The following HS3ST3B1 variants were observed in gnomAD, a reference collection of about 807,000 sequenced individuals.
HS3ST3B1 encodes heparan sulfate-glucosamine 3-sulfotransferase 3B1.
HS3ST3B1 carries 13 observed loss-of-function variants against 21.3 expected under a neutral mutation model. The observed-to-expected ratio is 0.61, with a 90% CI of 0.40 to 0.97. The LOEUF is 0.97. Ranked by LOEUF, HS3ST3B1 falls within the 50% of genes least tolerant of loss-of-function variation. HS3ST3B1 has a pLI of 0.00. For missense variants in HS3ST3B1, 459 were observed against 554.8 expected, an observed-to-expected ratio of 0.83 and a Z score of 1.73; for synonymous variants, 234 against 254.8, an observed-to-expected ratio of 0.92 and a Z score of 0.78.
chr17:14,322,753 G>A (rs1909694633), intron 1 of HS3ST3B1, among the ~76,000 whole-genome samples: 1 of 152,090 alleles, frequency 6.6e-6, no homozygotes, highest in African/African-American at 2.4e-5. Context: ...CACAGATCAT[G>A]TCAACCAGGC....
At chr17:14,335,872 A>C (rs568260241) in intron 1 of HS3ST3B1, among the ~76,000 whole-genome samples, 1 of 152,320 alleles carries the variant, frequency 6.6e-6, no homozygotes, top group South Asian at 2.1e-4. Context: ...GAATGCTAGA[A>C]TTGTTCTCTA....
chr17:14,310,665 G>A (rs530117633), intron 1 of HS3ST3B1, among the ~76,000 whole-genome samples: 4 of 152,236 alleles, frequency 2.6e-5, no homozygotes, highest in Non-Finnish European at 5.9e-5. Context: ...GATCGCTCCC[G>A]GTGCCTTTTC....
At chr17:14,336,611 A>G (rs1461613521) in intron 1 of HS3ST3B1, among the ~76,000 whole-genome samples, 1 of 152,204 alleles carries the variant, frequency 6.6e-6, no homozygotes, top group Non-Finnish European at 1.5e-5. Context: ...GCAGGAAGTC[A>G]GCTCATCTTC....
At chr17:14,314,150 T>G (rs1909424093) in intron 1 of HS3ST3B1, among the ~76,000 whole-genome samples, 1 of 151,990 alleles carries the variant, frequency 6.6e-6, no homozygotes, top group South Asian at 2.1e-4. Context: ...CGGCTCATTT[T>G]GTATTATTAG....
intron 1 of HS3ST3B1, chr17:14,305,438 C>A (rs573355889): frequency 2.3e-4 from 35 of 152,286 alleles, no homozygotes; most frequent in African/African-American, 8.4e-4. Context: ...AAAGAACCTG[C>A]CCTTTACATT....
At chr17:14,335,085 C>G (rs762294787) in intron 1 of HS3ST3B1, among the ~76,000 whole-genome samples, 2 of 152,184 alleles carry the variant, frequency 1.3e-5, no homozygotes, top group African/African-American at 2.4e-5. Flanking sequence ...TTTCCTGTCC[C>G]GTGCTCTTGG....
intron 1 of HS3ST3B1, among the ~76,000 whole-genome samples, chr17:14,320,257 A>G (rs976104688): frequency 1.3e-5 from 2 of 152,178 alleles, no homozygotes; most frequent in Admixed American, 6.5e-5. Context: ...ATTTCAATCT[A>G]TCTAGGCGGG....
intron 1 of HS3ST3B1, among the ~76,000 whole-genome samples, chr17:14,317,681 AGTGAGG>A (rs1179811097): frequency 2.0e-5 from 3 of 152,212 alleles, no homozygotes; most frequent in Admixed American, 2.0e-4. Context: ...ACGGTGAAAC[AGTGAGG>A]GTGCCTGGGA....
intron 1 of HS3ST3B1, among the ~76,000 whole-genome samples, chr17:14,337,072 A>AGACAAT (rs1910206788): frequency 6.6e-6 from 1 of 152,192 alleles, no homozygotes; most frequent in Admixed American, 6.5e-5. Flanking sequence ...AGCATAAATT[A>AGACAAT]GACAATCTAA....
intron 1 of HS3ST3B1, among the ~76,000 whole-genome samples, chr17:14,337,577 A>T (rs1910226141): frequency 6.6e-6 from 1 of 151,422 alleles, no homozygotes; most frequent in African/African-American, 2.4e-5. Flanking sequence ...GCCTCAGGTA[A>T]TCTGCCCACC....
chr17:14,319,019 G>A (rs1909580217), intron 1 of HS3ST3B1, among the ~76,000 whole-genome samples: 1 of 152,178 alleles, frequency 6.6e-6, no homozygotes, highest in African/African-American at 2.4e-5. Flanking sequence ...GCACATCAGT[G>A]AGGGCTGTGA....
At chr17:14,344,956 G>A (rs1910503045) in intron 1 of HS3ST3B1, 72 bp from the exon 2 acceptor site, 5 of 1,539,102 alleles carry the variant, frequency 3.2e-6, no homozygotes, top group Admixed American at 2.0e-5. Context: ...GGGATTAGAA[G>A]TCGTGACCTT....
intron 1 of HS3ST3B1, chr17:14,304,779 A>C (rs1909076610): frequency 3.3e-5 from 5 of 152,230 alleles, no homozygotes; most frequent in Admixed American, 3.3e-4. Context: ...ACAAGTCCTC[A>C]AAAACTAGAG....
intron 1 of HS3ST3B1, among the ~76,000 whole-genome samples, chr17:14,337,688 G>T (rs1235689910): frequency 6.7e-6 from 1 of 148,882 alleles, no homozygotes; most frequent in African/African-American, 2.6e-5. Context: ...AGACCATCAG[G>T]ACACAAGCCC....
intron 1 of HS3ST3B1, among the ~76,000 whole-genome samples, chr17:14,333,260 G>A (rs1484822750): frequency 1.3e-5 from 2 of 152,072 alleles, no homozygotes; most frequent in Non-Finnish European, 2.9e-5. Context: ...GAGGTCAGGA[G>A]TTTGAGACCC....
chr17:14,333,340 G>T (rs550376335), intron 1 of HS3ST3B1, among the ~76,000 whole-genome samples: 3 of 151,770 alleles, frequency 2.0e-5, no homozygotes, highest in African/African-American at 4.8e-5. Context: ...GGTGGCAGGC[G>T]CCTGTAGTCT....
In HS3ST3B1 at chr17:14,326,944, A is replaced by AAAG. The variant is rs894298991; in HGVS notation, c.555-18068_555-18066dup. ...CTCAAAAAAAAAAAAAAAAAAAAAA[A>AAAG]AAGAAGAAGAAGAAGAAGCTTCAGT... is the stretch of plus-strand genomic sequence containing the variant. On this transcript the variant is annotated intron_variant, in intron 1 of 1. Transcript: ENST00000360954. Among the ~76,000 whole-genome samples the AAAG allele has an allele frequency of 2.6e-4, 39 of 148,120 alleles. No individual in the cohort carries two copies. The East Asian group carries it at 3.4e-3, about 13-fold the overall frequency.
At chr17:14,340,270 A>C (rs1910331648) in intron 1 of HS3ST3B1, among the ~76,000 whole-genome samples, 2 of 152,088 alleles carry the variant, frequency 1.3e-5, no homozygotes, top group African/African-American at 2.4e-5. Flanking sequence ...TTGATATCTT[A>C]TCAGGTTCCT....
intron 1 of HS3ST3B1, among the ~76,000 whole-genome samples, chr17:14,338,421 GC>G (rs1379325912): frequency 6.6e-6 from 1 of 151,436 alleles, no homozygotes; most frequent in Non-Finnish European, 1.5e-5. Context: ...AACACGCCCA[GC>G]CCATATACCT....
Sources: gnomAD v4.1 joint callset for allele counts (sites outside exome capture counted in the v4.1 genomes callset) on GRCh38, gnomAD v4.1.1 for gene constraint, MANE v1.5 for transcripts, NCBI Gene and HGNC (gene_info 2026-07-23, HGNC 2026-07-21) for gene names.